Variants in S100A4 observed in about 807,000 individuals in gnomAD.
S100A4 encodes S100 calcium binding protein A4, also known as protein S100-A4.
S100A4 carries 4 observed loss-of-function variants against 6.3 expected under a neutral mutation model. That is an observed-to-expected ratio of 0.64 (90% CI 0.31 to 1.46). S100A4 has a LOEUF of 1.46. Ranked by LOEUF, S100A4 falls within the 40% of genes most tolerant of loss-of-function variation. S100A4 has a pLI of 0.07. For missense variants in S100A4, 108 were observed against 120.8 expected (o/e 0.89, Z 0.50); for synonymous variants, 44 against 47.6 (o/e 0.92, Z 0.32).
At chr1:153,543,963 AG>A (rs1665472827) in intron 2 of S100A4, 40 bp from the exon 3 acceptor site, 5 of 1,609,056 alleles carry the variant, frequency 3.1e-6, no homozygotes, top group Non-Finnish European at 4.2e-6. Flanking sequence ...ACAGAAGCCC[AG>A]TGGGTGGAGC....
chr1:153,545,583 ATGTG>A (rs1665537110), intron 1 of S100A4, 166 bp downstream of exon 1: 3 of 152,438 alleles, frequency 2.0e-5, no homozygotes, highest in Admixed American at 6.5e-5. Flanking sequence ...TCTTACGTGC[ATGTG>A]TGTGTGTGCC....
Position 153,543,873 on chromosome 1 carries a change from G to C in S100A4, c.192C>G (p.Ser64Arg). The C allele has an allele frequency of 6.2e-7, 1 of 1,614,200 alleles. No individual in the cohort carries two copies. The highest frequency in any genetic ancestry group is 1.1e-5 in the South Asian group (1 of 91,078). Residue 64 changes from serine (S) to arginine (R), a missense_variant, in exon 3 of 3, where the codon AGC (serine) becomes AGG (arginine). Coordinates refer to ENST00000368716, the MANE Select transcript of S100A4 (RefSeq NM_002961.3). ...GGAAGTCCACCTCGTTGTCCCTGTT[G>C]CTGTCCAAGTTGCTCATCAGCTTCT... Reference protein sequence around the residue: ...AFQKLMSNLDSNRDNEVDFQE... With the variant: ...AFQKLMSNLDRNRDNEVDFQE...
At chr1:153,544,032 G>T in intron 2 of S100A4, 109 bp from the exon 3 acceptor site, 2 of 1,236,160 alleles carry the variant, frequency 1.6e-6, no homozygotes, top group Non-Finnish European at 2.3e-6. Flanking sequence ...CCTTTGGGAG[G>T]TCCAGTTTGG....
rs1665457080 is a variant in S100A4 at position 153,543,697 on chromosome 1, G to A, written c.*62C>T. ...AAGGAGCCAGGGTGGAAAAAAAAAA[G>A]TGCCCACTGGCGACAGGGAGGGCCC... is the stretch of plus-strand genomic sequence containing the variant. On this transcript the variant is annotated 3_prime_UTR_variant, in exon 3 of 3. Coordinates refer to ENST00000368716, the MANE Select transcript of S100A4 (RefSeq NM_002961.3). 2 of 1,506,742 alleles carry A rather than the reference G, an allele frequency of 1.3e-6. No individual in the cohort carries two copies. The highest frequency in any genetic ancestry group is 1.4e-5 in the African/African-American group (1 of 71,220). 93.3% of individuals were successfully genotyped at this position (1,506,742 alleles called of 1,614,324 possible).
At chr1:153,545,060 G>A (rs1029707214) in intron 1 of S100A4, 9 of 436,490 alleles carry the variant, frequency 2.1e-5, no homozygotes, top group Admixed American at 7.0e-5. Context: ...AAACTCCCAG[G>A]GCCTCCCAGG....
intron 1 of S100A4, chr1:153,545,043 G>C (rs11488669): frequency 2.1e-6 from 1 of 480,406 alleles, no homozygotes; most frequent in Non-Finnish European, 3.7e-6. Context: ...CTGGAGATTC[G>C]GGCAGCAAAC....
At chr1:153,545,645 C>T (rs1665539749) in intron 1 of S100A4, 108 bp downstream of exon 1, 1 of 152,494 alleles carries the variant, frequency 6.6e-6, no homozygotes, top group Non-Finnish European at 1.5e-5. Flanking sequence ...ATCAGAATCT[C>T]ACATCTGGAT....
chr1:153,545,071 C>A (rs1665518529), intron 1 of S100A4: 1 of 417,352 alleles, frequency 2.4e-6, no homozygotes, highest in Non-Finnish European at 4.4e-6. Flanking sequence ...GCCTCCCAGG[C>A]CTTGCCTCAA....
In S100A4 at chr1:153,543,691, A is replaced by T; in HGVS notation, c.*68T>A. 2 of 1,521,982 alleles carry T rather than the reference A, an allele frequency of 1.3e-6. No homozygotes were observed. Among genetic ancestry groups the T allele is most frequent in the Non-Finnish European group, 1.8e-6 (2 of 1,118,398 alleles). 94.3% of individuals were successfully genotyped at this position (1,521,982 alleles called of 1,614,324 possible). The stretch of plus-strand genomic sequence containing the variant: ...TGTCTGAAGGAGCCAGGGTGGAAAA[A>T]AAAAAGTGCCCACTGGCGACAGGGA... On this transcript the variant is annotated 3_prime_UTR_variant, in exon 3 of 3. Coordinates refer to ENST00000368716, the MANE Select transcript of S100A4 (RefSeq NM_002961.3).
chr1:153,544,926 C>T (rs1665512543), intron 1 of S100A4, 117 bp from the exon 2 acceptor site: 7 of 1,324,706 alleles, frequency 5.3e-6, no homozygotes, highest in Non-Finnish European at 7.3e-6. Context: ...TGCTCCCTCC[C>T]TGGGGGAGCC....
At chr1:153,544,958 C>T (rs1172248358) in intron 1 of S100A4, 149 bp from the exon 2 acceptor site, 4 of 917,246 alleles carry the variant, frequency 4.4e-6, no homozygotes, top group Non-Finnish European at 6.5e-6. Flanking sequence ...GCCCCCGCAC[C>T]TGGCTGGGAG....
chr1:153,545,357 ACAC>A (rs1373656300), intron 1 of S100A4: 1 of 156,212 alleles, frequency 6.4e-6, no homozygotes, highest in African/African-American at 2.4e-5. Context: ...CTCATGGGGC[ACAC>A]CACCAGACAA....
intron 2 of S100A4, among the ~76,000 whole-genome samples, chr1:153,544,129 G>A (rs1012582988): frequency 3.3e-5 from 5 of 152,122 alleles, no homozygotes; most frequent in African/African-American, 9.7e-5. Context: ...GAAAAATGAC[G>A]GGACCACTAC....
In S100A4 at chr1:153,543,940, C is replaced by T. The variant is rs1665470622; in HGVS notation, c.142-17G>A. 2 of 1,613,176 alleles carry T rather than the reference C, an allele frequency of 1.2e-6. No homozygotes were observed. Among genetic ancestry groups the T allele is most frequent in the Non-Finnish European group, 1.7e-6 (2 of 1,179,784 alleles). ...TGTCCTTTTCTGGAGGGAGAAGAGG[C>T]TACAGATAGAAAACAGAAGCCCAGT... On this transcript the variant is annotated splice_polypyrimidine_tract_variant and intron_variant, in intron 2 of 2. Coordinates refer to ENST00000368716, the MANE Select transcript of S100A4 (RefSeq NM_002961.3).
At chr1:153,544,579 C>A in intron 2 of S100A4, 75 bp downstream of exon 2, 1 of 1,594,372 alleles carries the variant, frequency 6.3e-7, no homozygotes, top group Non-Finnish European at 8.6e-7. Flanking sequence ...GTAGCTAATG[C>A]TCTAGAGCAA....
rs1210362302 is a variant in S100A4 at position 153,543,642 on chromosome 1, T to C, written c.*117A>G. The C allele has an allele frequency of 9.8e-7, 1 of 1,016,030 alleles. No individual in the cohort carries two copies. Among genetic ancestry groups the C allele is most frequent in the East Asian group, 2.4e-5 (1 of 41,822 alleles). The allele number at this position is 1,016,030 out of a possible 1,614,324, so 62.9% of individuals were successfully genotyped here. ...CCTCAAAACTTCCAAGAATCTTTAT[T>C]GAACTTGCTCAGCATCAAGCACGTG... On this transcript the variant is annotated 3_prime_UTR_variant, in exon 3 of 3. Coordinates refer to ENST00000368716, the MANE Select transcript of S100A4 (RefSeq NM_002961.3).
At chr1:153,544,624 T>G in intron 2 of S100A4, 30 bp downstream of exon 2, 1 of 1,613,792 alleles carries the variant, frequency 6.2e-7, no homozygotes, top group Non-Finnish European at 8.5e-7. Flanking sequence ...ATGCCCCACG[T>G]GGGGACTCAC....
At chr1:153,544,987 C>A in intron 1 of S100A4, 178 bp from the exon 2 acceptor site, 1 of 667,268 alleles carries the variant, frequency 1.5e-6, no homozygotes, top group Non-Finnish European at 2.5e-6. Flanking sequence ...CAGTGGGGAA[C>A]ACATGCTCTG....
chr1:153,544,562 G>A, intron 2 of S100A4, 92 bp downstream of exon 2: 1 of 1,524,792 alleles, frequency 6.6e-7, no homozygotes, highest in Non-Finnish European at 9.0e-7. Context: ...ACTGATAGAT[G>A]CCCTCTGTAG....
Sources: gnomAD v4.1 joint callset for allele counts (sites outside exome capture counted in the v4.1 genomes callset) on GRCh38, gnomAD v4.1.1 for gene constraint, MANE v1.5 for transcripts, NCBI Gene and HGNC (gene_info 2026-07-23, HGNC 2026-07-21) for gene names.